Variants in GCNT2 observed in about 807,000 individuals in gnomAD.
The protein encoded by GCNT2 is N-acetyllactosaminide beta-1,6-N-acetylglucosaminyl-transferase.
A neutral mutation model predicts 34.2 loss-of-function variants in GCNT2; 34 were observed. That is an observed-to-expected ratio of 1.00 (90% CI 0.76 to 1.32). GCNT2 has a LOEUF of 1.32. Among genes scored for constraint, GCNT2 ranks in the 40% most tolerant of loss-of-function variants. The pLI is 0.00. For synonymous variants in GCNT2, 212 were observed against 188.0 expected (o/e 1.13, Z -1.04); for missense variants, 584 against 489.4 (o/e 1.19, Z -1.82).
At chr6:10,578,873 A>G (rs1440113225) in intron 3 of GCNT2, among the ~76,000 whole-genome samples, 1 of 152,190 alleles carries the variant, frequency 6.6e-6, no homozygotes, top group African/African-American at 2.4e-5. Flanking sequence ...TTTAAGGCAG[A>G]TATCTGGATT....
At chr6:10,550,534 A>C (rs1457103015) in intron 3 of GCNT2, among the ~76,000 whole-genome samples, 1 of 152,172 alleles carries the variant, frequency 6.6e-6, no homozygotes, top group Non-Finnish European at 1.5e-5. Flanking sequence ...TTTGTCACCC[A>C]GGCTAGAGTG....
chr6:10,580,258 ATT>A (rs1764010695), intron 3 of GCNT2, among the ~76,000 whole-genome samples: 1 of 142,782 alleles, frequency 7.0e-6, no homozygotes, highest in Non-Finnish European at 1.5e-5. Flanking sequence ...TGTGGCATTA[ATT>A]GCCAGGGGTC....
At chr6:10,528,077 T>C (rs1476132712) in intron 2 of GCNT2, among the ~76,000 whole-genome samples, 1 of 152,140 alleles carries the variant, frequency 6.6e-6, no homozygotes, top group East Asian at 1.9e-4. Flanking sequence ...CTATTGGTCG[T>C]TTTGTTGTTT....
intron 3 of GCNT2, among the ~76,000 whole-genome samples, chr6:10,534,973 C>T (rs1365838414): frequency 6.6e-6 from 1 of 152,172 alleles, no homozygotes; most frequent in Admixed American, 6.5e-5. Flanking sequence ...CACCTGAGGT[C>T]AGAAGTTTGA....
intron 3 of GCNT2, among the ~76,000 whole-genome samples, chr6:10,617,223 C>T (rs1258296874): frequency 6.6e-6 from 1 of 152,188 alleles, no homozygotes; most frequent in Non-Finnish European, 1.5e-5. Context: ...GCAGCTAAGG[C>T]CCAGCGAGAA....
intron 4 of GCNT2, among the ~76,000 whole-genome samples, chr6:10,624,902 T>C (rs1376321169): frequency 1.3e-5 from 2 of 152,178 alleles, no homozygotes; most frequent in African/African-American, 4.8e-5. Context: ...AAGCCTGTAC[T>C]CATTGCCCCT....
intron 3 of GCNT2, among the ~76,000 whole-genome samples, chr6:10,610,829 G>T (rs1219941455): frequency 1.3e-5 from 2 of 152,100 alleles, no homozygotes; most frequent in Non-Finnish European, 2.9e-5. Context: ...AATTTTCTAG[G>T]CTGTAGTTCA....
rs183987328 is a variant in GCNT2 at position 10,521,414 on chromosome 6, A to G, written c.-472A>G. ...CAATCTTACCCTCCTGGGAACTGAG[A>G]GAGGTAGGTGGAGGTCAGCGTGCTG... On this transcript the variant is annotated 5_prime_UTR_variant, in exon 1 of 5. Transcript: ENST00000495262. 939 of 153,094 alleles carry G rather than the reference A, an allele frequency of 6.1e-3. 8 individuals carry two copies. The highest frequency in any genetic ancestry group is 0.024 in the Middle Eastern group (7 of 294). The allele number at this position is 153,094 out of a possible 1,614,324, so 9.5% of individuals were successfully genotyped here.
chr6:10,586,644 G>A (rs1170441573), intron 3 of GCNT2: 2 of 1,614,028 alleles, frequency 1.2e-6, no homozygotes, highest in African/African-American at 1.3e-5. Flanking sequence ...CACCCCAGGG[G>A]TGCTGCCTCC....
intron 3 of GCNT2, among the ~76,000 whole-genome samples, chr6:10,533,513 T>C (rs776825202): frequency 2.0e-5 from 3 of 151,534 alleles, no homozygotes; most frequent in Non-Finnish European, 4.4e-5. Flanking sequence ...TTATGCCAGG[T>C]GTGGTGGCTC....
chr6:10,541,961 A>G (rs1762053415), intron 3 of GCNT2, among the ~76,000 whole-genome samples: 1 of 152,204 alleles, frequency 6.6e-6, no homozygotes. Context: ...GCCAGAAAGC[A>G]GAATCTTGGA....
intron 3 of GCNT2, among the ~76,000 whole-genome samples, chr6:10,575,528 AT>A (rs1411787998): frequency 6.6e-6 from 1 of 151,682 alleles, no homozygotes; most frequent in Non-Finnish European, 1.5e-5. Flanking sequence ...CGCCCAGCTA[AT>A]TTTTTTGTAT....
At position 10,546,051 on chromosome 6, in the gene GCNT2, G is replaced by A. The variant is rs138649860; in HGVS notation, c.925+16215G>A. Among the ~76,000 whole-genome samples, 374 of 152,166 alleles carry A rather than the reference G, an allele frequency of 2.5e-3. 4 individuals are homozygous for A. The highest frequency in any genetic ancestry group is 8.5e-3 in the African/African-American group (355 of 41,538). On this transcript the variant is annotated intron_variant, in intron 3 of 4. Transcript: ENST00000495262. ...AGCTTCTTAAACTGATTCCTGTAAC[G>A]GCAGCCTCTTTTGCTGTTCTTTATG...
intron 3 of GCNT2, among the ~76,000 whole-genome samples, chr6:10,555,395 G>A (rs1272489537): frequency 6.6e-6 from 1 of 152,074 alleles, no homozygotes; most frequent in Non-Finnish European, 1.5e-5. Flanking sequence ...CCACTTCCTA[G>A]GTGGTCCATA....
chr6:10,583,103 A>G (rs1239536990), intron 3 of GCNT2, among the ~76,000 whole-genome samples: 1 of 152,140 alleles, frequency 6.6e-6, no homozygotes, highest in Non-Finnish European at 1.5e-5. Flanking sequence ...TGGGGAGAAT[A>G]TTTTTAAAGG....
At chr6:10,568,481 C>T (rs1270806790) in intron 3 of GCNT2, among the ~76,000 whole-genome samples, 3 of 152,170 alleles carry the variant, frequency 2.0e-5, no homozygotes, top group African/African-American at 4.8e-5. Flanking sequence ...AGACTATTGT[C>T]GGACCCACTC....
In GCNT2 at chr6:10,581,816, A is replaced by G. The variant is rs1764079644; in HGVS notation, c.926-39535A>G. On this transcript the variant is annotated intron_variant, in intron 3 of 4. Transcript: ENST00000495262. ...CAACTTTCCCCTTCTGTTCTCCACA[A>G]GACCTGCCAAGGACAAATTTTACAG... 3.0e-6 allele frequency: 3 copies of G among 984,974 alleles called. No individual in the cohort carries two copies. In the South Asian group the frequency reaches 1.4e-4, roughly 46 times the overall value. The allele number at this position is 984,974 out of a possible 1,614,324, so 61.0% of individuals were successfully genotyped here.
chr6:10,598,190 A>G (rs1245818207), intron 3 of GCNT2, among the ~76,000 whole-genome samples: 1 of 152,208 alleles, frequency 6.6e-6, no homozygotes, highest in Non-Finnish European at 1.5e-5. Context: ...AGGCAGACTT[A>G]GGTTTTGTTT....
intron 3 of GCNT2, among the ~76,000 whole-genome samples, chr6:10,580,273 G>A (rs192659020): frequency 2.6e-5 from 4 of 151,828 alleles, no homozygotes; most frequent in Admixed American, 6.5e-5. Context: ...CAGGGGTCAG[G>A]GGGGTGGGGA....
Sources: gnomAD v4.1 joint callset for allele counts (sites outside exome capture counted in the v4.1 genomes callset) on GRCh38, gnomAD v4.1.1 for gene constraint, MANE v1.5 for transcripts, NCBI Gene and HGNC (gene_info 2026-07-23, HGNC 2026-07-21) for gene names.